Variants in STAT5B observed in about 807,000 individuals in gnomAD.
STAT5B encodes transcription factor STAT5B.
A neutral mutation model predicts 107.8 loss-of-function variants in STAT5B; 21 were observed. The ratio of observed to expected loss-of-function variants is 0.19; its 90% CI spans 0.14 to 0.28. STAT5B has a LOEUF of 0.28. STAT5B is among the 10% of genes least tolerant of loss of function. The pLI is 1.00. For missense variants in STAT5B, 565 were observed against 1,008.2 expected (o/e 0.56, Z 5.95); for synonymous variants, 325 against 401.7 (o/e 0.81, Z 2.28).
At chr17:42,221,037 C>T (rs2080221867) in intron 5 of STAT5B, among the ~76,000 whole-genome samples, 1 of 151,986 alleles carries the variant, frequency 6.6e-6, no homozygotes, top group Non-Finnish European at 1.5e-5. Context: ...ATGTCTTGGT[C>T]GAGCTCCTGG....
At chr17:42,286,049 G>A in the STAT5B span, among the ~76,000 whole-genome samples, 8 of 152,100 alleles carry the variant, frequency 5.3e-5, no homozygotes, top group Non-Finnish European at 7.4e-5. Context: ...GAGAAACACC[G>A]CCTCTACTAA....
the STAT5B span, among the ~76,000 whole-genome samples, chr17:42,285,086 T>A: frequency 1.3e-5 from 2 of 152,184 alleles, no homozygotes; most frequent in Admixed American, 1.3e-4. Context: ...ATTGCTTTTT[T>A]TTTTTTCTTT....
intron 1 of STAT5B, among the ~76,000 whole-genome samples, chr17:42,244,493 A>G (rs528948044): frequency 6.6e-6 from 1 of 152,270 alleles, no homozygotes; most frequent in Non-Finnish European, 1.5e-5. Context: ...AGTTCAGGAA[A>G]AAAACTCCTC....
chr17:42,260,914 T>TA (rs2080589636), intron 1 of STAT5B, among the ~76,000 whole-genome samples: 1 of 141,180 alleles, frequency 7.1e-6, no homozygotes, highest in Non-Finnish European at 1.5e-5. Context: ...TTATATGTCT[T>TA]ACCTTTTTTT....
intron 18 of STAT5B, chr17:42,202,134 C>T: frequency 3.0e-6 from 2 of 664,110 alleles, no homozygotes; most frequent in South Asian, 1.9e-5. Flanking sequence ...GAGAGGGGAA[C>T]AGATGACATT....
chr17:42,240,937 C>T (rs1033902877), intron 1 of STAT5B, among the ~76,000 whole-genome samples: 16 of 152,162 alleles, frequency 1.1e-4, no homozygotes, highest in Admixed American at 3.3e-4. Flanking sequence ...AAAGAGATGA[C>T]GTTTAAACAT....
chr17:42,283,795 G>A, the STAT5B span, among the ~76,000 whole-genome samples: 1 of 152,128 alleles, frequency 6.6e-6, no homozygotes, highest in African/African-American at 2.4e-5. Flanking sequence ...AAGAATGGGG[G>A]TGGCATTTCT....
At chr17:42,208,399 G>A (rs2080103054) in intron 15 of STAT5B, among the ~76,000 whole-genome samples, 1 of 151,850 alleles carries the variant, frequency 6.6e-6, no homozygotes, top group Non-Finnish European at 1.5e-5. Context: ...ACTATGCTGA[G>A]GTAGGAGAAT....
chr17:42,215,324 T>C (rs990561226), intron 12 of STAT5B, among the ~76,000 whole-genome samples: 3 of 152,184 alleles, frequency 2.0e-5, no homozygotes, highest in African/African-American at 7.2e-5. Flanking sequence ...ATTCATAGTT[T>C]CACCCAAGGA....
chr17:42,264,364 C>A (rs1408275877), intron 1 of STAT5B, among the ~76,000 whole-genome samples: 4 of 122,986 alleles, frequency 3.3e-5, no homozygotes, highest in Admixed American at 9.0e-5. Context: ...CCCCTCCCCC[C>A]ACCCCACAAC....
intron 1 of STAT5B, among the ~76,000 whole-genome samples, chr17:42,252,314 A>T (rs755103033): frequency 2.0e-5 from 3 of 152,162 alleles, no homozygotes; most frequent in Non-Finnish European, 4.4e-5. Flanking sequence ...CATTTTGATA[A>T]TCTTATTTTT....
the STAT5B span, among the ~76,000 whole-genome samples, chr17:42,284,562 C>T: frequency 6.6e-6 from 1 of 152,198 alleles, no homozygotes; most frequent in Non-Finnish European, 1.5e-5. Context: ...CCACCATGCC[C>T]GGCCCTTTGG....
intron 1 of STAT5B, among the ~76,000 whole-genome samples, chr17:42,259,359 G>A (rs962262505): frequency 2.6e-5 from 4 of 152,146 alleles, no homozygotes; most frequent in Non-Finnish European, 4.4e-5. Context: ...GGAGCTTCAA[G>A]GACATGGGTA....
At chr17:42,216,360 G>A (rs2080171932) in intron 11 of STAT5B, among the ~76,000 whole-genome samples, 1 of 152,090 alleles carries the variant, frequency 6.6e-6, no homozygotes, top group Non-Finnish European at 1.5e-5. Context: ...GTTACATGGA[G>A]AACAGGAGAG....
At chr17:42,232,196 C>T in intron 1 of STAT5B, 59 bp from the exon 2 acceptor site, 1 of 1,576,178 alleles carries the variant, frequency 6.3e-7, no homozygotes, top group Non-Finnish European at 8.6e-7. Flanking sequence ...CTTACATCCA[C>T]CAGAGTAAAT....
At chr17:42,244,785 G>A (rs1397409487) in intron 1 of STAT5B, among the ~76,000 whole-genome samples, 1 of 152,124 alleles carries the variant, frequency 6.6e-6, no homozygotes, top group African/African-American at 2.4e-5. Context: ...TCCAAAATAG[G>A]GGGATGATTA....
At chr17:42,209,187 A>G (rs2080109437) in intron 15 of STAT5B, among the ~76,000 whole-genome samples, 1 of 152,036 alleles carries the variant, frequency 6.6e-6, no homozygotes. Context: ...GGCGCACACC[A>G]TGAGCACCAC....
intron 1 of STAT5B, chr17:42,270,812 A>C (rs1037770781): frequency 6.6e-6 from 1 of 152,204 alleles, no homozygotes; most frequent in Non-Finnish European, 1.5e-5. Flanking sequence ...CCTTGGACAA[A>C]TTACTTAACT....
chr17:42,224,226 GC>G (rs1365940237), intron 4 of STAT5B, among the ~76,000 whole-genome samples: 1 of 152,140 alleles, frequency 6.6e-6, no homozygotes, highest in African/African-American at 2.4e-5. Context: ...ATATGAGCAT[GC>G]CTTTACTAAA....
Sources: allele counts gnomAD v4.1 joint callset (sites outside exome capture counted in the v4.1 genomes callset), GRCh38; gene constraint gnomAD v4.1.1; transcripts MANE v1.5; gene names NCBI Gene and HGNC (gene_info 2026-07-23, HGNC 2026-07-21).